The following DPP10 variants were observed in gnomAD, a reference collection of about 807,000 sequenced individuals.
The protein encoded by DPP10 is inactive dipeptidyl peptidase 10.
Under a neutral mutation model 120.9 loss-of-function variants are expected in DPP10, and 33 were observed. The observed-to-expected ratio is 0.27, with a 90% CI of 0.21 to 0.37. The LOEUF is 0.37. DPP10 is among the 10% of genes least tolerant of loss of function. The probability of loss-of-function intolerance (pLI) is 1.00; values close to 1 mark genes in which losing one functional copy is unlikely to be tolerated. For missense variants in DPP10, 816 were observed against 942.8 expected (o/e 0.87, Z 1.76); for synonymous variants, 337 against 326.1 (o/e 1.03, Z -0.36).
At chr2:115,421,112 C>T (rs1194411841) in intron 3 of DPP10, among the ~76,000 whole-genome samples, 2 of 151,200 alleles carry the variant, frequency 1.3e-5, no homozygotes, top group East Asian at 1.9e-4. Context: ...TCTCTTTTTC[C>T]CCACCTTTCT....
intron 1 of DPP10, among the ~76,000 whole-genome samples, chr2:114,859,722 A>C (rs908865936): frequency 6.6e-6 from 1 of 152,052 alleles, no homozygotes; most frequent in Non-Finnish European, 1.5e-5. Flanking sequence ...CAATCCACCT[A>C]TCTGGGATCT....
Position 115,134,251 on chromosome 2 carries a change from T to G in DPP10, c.61-174988T>G, listed in dbSNP as rs568919762. On this transcript the variant is annotated intron_variant, in intron 1 of 25. Transcript: ENST00000410059. ...CAATTGATTCACTCCTAAGTTTAAG[T>G]ACCTATTAAATATTTCCTAGTAGGA... is the stretch of plus-strand genomic sequence containing the variant. Among the ~76,000 whole-genome samples the G allele has an allele frequency of 1.1e-4, 17 of 152,332 alleles. 1 individual carries two copies. The East Asian group carries it at 3.3e-3, about 29-fold the overall frequency.
At position 115,424,861 on chromosome 2, in the gene DPP10, T is replaced by G. The variant is rs1002336878; in HGVS notation, c.272-74649T>G. ...TAAGATCAATTTAAGTGATTTGAGATTCTGACTAATAGATTATGATTAATC... is the reference window on the plus strand; with the variant it reads ...TAAGATCAATTTAAGTGATTTGAGAGTCTGACTAATAGATTATGATTAATC... On this transcript the variant is annotated intron_variant, in intron 3 of 25. Coordinates refer to ENST00000410059, the MANE Select transcript of DPP10 (RefSeq NM_020868.6). Among the ~76,000 whole-genome samples, 41 of 152,194 alleles carry G rather than the reference T, an allele frequency of 2.7e-4. 1 individual carries two copies. The highest frequency in any genetic ancestry group is 2.0e-3 in the Admixed American group (31 of 15,274).
intron 1 of DPP10, among the ~76,000 whole-genome samples, chr2:115,014,856 A>G (rs1242742291): frequency 1.7e-5 from 2 of 120,054 alleles, no homozygotes; most frequent in East Asian, 5.6e-4. Flanking sequence ...TTAATAGCCT[A>G]CCAACCAAAA....
At chr2:115,135,712 A>C (rs913030722) in intron 1 of DPP10, among the ~76,000 whole-genome samples, 1 of 152,178 alleles carries the variant, frequency 6.6e-6, no homozygotes. Flanking sequence ...GGTGATATCA[A>C]ATCACCAACT....
At chr2:114,677,221 G>T (rs1285832790) in intron 1 of DPP10, among the ~76,000 whole-genome samples, 1 of 152,078 alleles carries the variant, frequency 6.6e-6, no homozygotes, top group Non-Finnish European at 1.5e-5. Flanking sequence ...ATTGAAGACG[G>T]CTGTCTAGGC....
chr2:115,693,905 G>A (rs1049006042), intron 7 of DPP10, among the ~76,000 whole-genome samples: 1 of 152,062 alleles, frequency 6.6e-6, no homozygotes, highest in Non-Finnish European at 1.5e-5. Context: ...AAAGCACTTT[G>A]AATAGTATCT....
intron 2 of DPP10, among the ~76,000 whole-genome samples, chr2:115,321,669 A>T (rs1335461815): frequency 6.6e-6 from 1 of 151,248 alleles, no homozygotes; most frequent in African/African-American, 2.4e-5. Context: ...TTATGTTGCT[A>T]TGTTTGATGA....
intron 1 of DPP10, among the ~76,000 whole-genome samples, chr2:115,101,603 G>A (rs2048695875): frequency 6.6e-6 from 1 of 152,196 alleles, no homozygotes; most frequent in Admixed American, 6.5e-5. Flanking sequence ...GGCAGCCTTT[G>A]CTGTCACACA....
At chr2:115,789,265 C>T (rs1366208226) in intron 17 of DPP10, among the ~76,000 whole-genome samples, 1 of 152,024 alleles carries the variant, frequency 6.6e-6, no homozygotes, top group East Asian at 1.9e-4. Context: ...TCAAACCTAG[C>T]AATTATAGAA....
intron 1 of DPP10, among the ~76,000 whole-genome samples, chr2:115,228,693 G>T (rs573644544): frequency 5.3e-5 from 8 of 152,116 alleles, no homozygotes; most frequent in Non-Finnish European, 8.8e-5. Context: ...CCATGTTGTT[G>T]CAAATGACAG....
intron 1 of DPP10, among the ~76,000 whole-genome samples, chr2:114,463,962 G>A (rs1679141561): frequency 6.6e-6 from 1 of 152,146 alleles, no homozygotes; most frequent in African/African-American, 2.4e-5. Context: ...CCACATTGTA[G>A]CATGGATTAA....
chr2:114,578,328 G>A (rs561546275), intron 1 of DPP10, among the ~76,000 whole-genome samples: 1 of 152,134 alleles, frequency 6.6e-6, no homozygotes, highest in East Asian at 1.9e-4. Flanking sequence ...TTCAAATTAA[G>A]GCATTAGTTT....
chr2:114,638,417 A>G (rs1254604566), intron 1 of DPP10, among the ~76,000 whole-genome samples: 1 of 151,902 alleles, frequency 6.6e-6, no homozygotes, highest in African/African-American at 2.4e-5. Flanking sequence ...AGAATCTATA[A>G]GAAACGTAGG....
intron 3 of DPP10, among the ~76,000 whole-genome samples, chr2:115,370,557 G>A (rs894720951): frequency 6.6e-6 from 1 of 151,958 alleles, no homozygotes; most frequent in Non-Finnish European, 1.5e-5. Flanking sequence ...GGAAAGTTAC[G>A]GTTTAATTCC....
intron 1 of DPP10, among the ~76,000 whole-genome samples, chr2:114,662,168 G>A (rs1697461098): frequency 6.6e-6 from 1 of 152,208 alleles, no homozygotes; most frequent in African/African-American, 2.4e-5. Context: ...AAGAGCGAAC[G>A]GTGCGTGATG....
At chr2:115,170,594 C>T (rs1322828750) in intron 1 of DPP10, among the ~76,000 whole-genome samples, 2 of 152,156 alleles carry the variant, frequency 1.3e-5, no homozygotes, top group Non-Finnish European at 2.9e-5. Flanking sequence ...ATACGTTTCA[C>T]CTGTATGTAC....
chr2:114,671,120 A>T (rs1041142984), intron 1 of DPP10, among the ~76,000 whole-genome samples: 1 of 152,140 alleles, frequency 6.6e-6, no homozygotes, highest in African/African-American at 2.4e-5. Context: ...CTAGTTATTG[A>T]TATTATGGGT....
At chr2:115,132,059 C>T (rs746421294) in intron 1 of DPP10, 4 of 152,116 alleles carry the variant, frequency 2.6e-5, no homozygotes, top group Non-Finnish European at 4.4e-5. Flanking sequence ...CACTGCACTC[C>T]AGTCTGGGCG....
Sources: allele counts gnomAD v4.1 joint callset (sites outside exome capture counted in the v4.1 genomes callset), GRCh38; gene constraint gnomAD v4.1.1; transcripts MANE v1.5; gene names NCBI Gene and HGNC (gene_info 2026-07-23, HGNC 2026-07-21).